FADS3: variants seen among roughly 807,000 people sequenced by gnomAD.
The protein encoded by FADS3 is cytochrome b5-related protein.
In FADS3, 30 loss-of-function variants were observed where a neutral mutation model predicts 60.4. The ratio of observed to expected loss-of-function variants is 0.50; its 90% CI spans 0.37 to 0.67. FADS3 has a LOEUF of 0.67. FADS3 is among the 30% of genes least tolerant of loss of function. FADS3 has a pLI of 0.00. For synonymous variants in FADS3, 234 were observed against 249.3 expected, an observed-to-expected ratio of 0.94 and a Z score of 0.58; for missense variants, 432 against 598.3, an observed-to-expected ratio of 0.72 and a Z score of 2.90.
chr11:61,880,137 G>A lies in FADS3; in HGVS notation c.228C>T (p.Ala76=). 6.2e-7 allele frequency: 1 copy of A among 1,613,988 alleles called. No homozygotes were observed. Among genetic ancestry groups the A allele is most frequent in the African/African-American group, 1.3e-5 (1 of 75,058 alleles). The change falls in exon 2 of 12, where the codon GCC becomes GCT. Residue 76 remains alanine (A), a synonymous_variant. Transcript: ENST00000278829. Reference sequence around the variant, plus strand: ...GCACAAAATTGAGATCTTGATGGAAGGCACGGAAGGCATCCTGAAGGAGAG... The same window carrying A: ...GCACAAAATTGAGATCTTGATGGAAAGCACGGAAGGCATCCTGAAGGAGAG... The part of the protein sequence containing the change: ...GAEDATDAFR[A]FHQDLNFVRK...
chr11:61,878,715 G>C (rs746721136), intron 4 of FADS3, 31 bp downstream of exon 4: 2 of 1,612,496 alleles, frequency 1.2e-6, no homozygotes, highest in East Asian at 4.5e-5. Flanking sequence ...GCGCCACCCA[G>C]CACCTGGCTG....
At position 61,877,646 on chromosome 11, in the gene FADS3, C is replaced by A. The variant is rs377336842; in HGVS notation, c.809-59G>T. On this transcript the variant is annotated intron_variant, in intron 6 of 11. Coordinates refer to ENST00000278829, the MANE Select transcript of FADS3 (RefSeq NM_021727.5). The surrounding 1 kb of genome is among the most constrained non-coding windows in gnomAD (Gnocchi z 4.7). ...GGGCTGGGCTGCCAAGGTGAGTGGG[C>A]GCCAGAGTGAGGGGCTCTGTTACTC... 1 of 1,497,856 alleles carries A rather than the reference C, an allele frequency of 6.7e-7. No individual in the cohort carries two copies. Among genetic ancestry groups the A allele is most frequent in the South Asian group, 1.2e-5 (1 of 86,214 alleles). The allele number at this position is 1,497,856 out of a possible 1,614,324, so 92.8% of individuals were successfully genotyped here.
rs557420929 is a variant in FADS3 at position 61,877,938 on chromosome 11, G to A, written c.808+217C>T. 3.5e-4 allele frequency: 212 copies of A among 606,054 alleles called. 1 individual carries two copies. Among genetic ancestry groups the A allele is most frequent in the Non-Finnish European group, 5.1e-4 (173 of 340,682 alleles). The allele number at this position is 606,054 out of a possible 1,614,324, so 37.5% of individuals were successfully genotyped here. On this transcript the variant is annotated intron_variant, in intron 6 of 11. Coordinates refer to ENST00000278829, the MANE Select transcript of FADS3 (RefSeq NM_021727.5). The surrounding 1 kb of genome is among the most constrained non-coding windows in gnomAD (Gnocchi z 4.7). ...GCTCCCAGCAGGGCTGTGATGGCCC[G>A]TGGCTGCAAGGTGTCCCAGGCACGG...
At chr11:61,886,742 T>A (rs1036291871) in intron 1 of FADS3, among the ~76,000 whole-genome samples, 1 of 152,186 alleles carries the variant, frequency 6.6e-6, no homozygotes, top group Non-Finnish European at 1.5e-5. Context: ...AGGACTTACC[T>A]CATAAAGTTG....
At chr11:61,885,824 G>A (rs1317999108) in intron 1 of FADS3, among the ~76,000 whole-genome samples, 2 of 152,150 alleles carry the variant, frequency 1.3e-5, no homozygotes, top group African/African-American at 4.8e-5. Context: ...ACAGGGCTAT[G>A]CCTCAAAGGA....
At position 61,877,978 on chromosome 11, in the gene FADS3, A is replaced by C. The variant is rs1937972887; in HGVS notation, c.808+177T>G. 7.6e-6 allele frequency: 5 copies of C among 656,560 alleles called. No homozygotes were observed. Among genetic ancestry groups the C allele is most frequent in the Non-Finnish European group, 1.4e-5 (5 of 370,090 alleles). The allele number at this position is 656,560 out of a possible 1,614,324, so 40.7% of individuals were successfully genotyped here. A position where few individuals can be genotyped will look rare whatever the true frequency, so the allele number is the denominator to read the frequency against. The stretch of plus-strand genomic sequence containing the variant: ...CCCAGGCACGGGAGACAGCTGGGGC[A>C]AAGGCATGCTGCTGGGAGAGTGTGT... On this transcript the variant is annotated intron_variant, in intron 6 of 11. Transcript: ENST00000278829. The surrounding 1 kb of genome is among the most constrained non-coding windows in gnomAD (Gnocchi z 4.7).
At chr11:61,891,023 C>T (rs1315356840) in intron 1 of FADS3, 146 bp downstream of exon 1, 2 of 741,596 alleles carry the variant, frequency 2.7e-6, no homozygotes, top group African/African-American at 1.8e-5. Context: ...GGCTAGTCCA[C>T]CCCAACTCTG....
At chr11:61,890,505 G>C (rs1938466592) in intron 1 of FADS3, 1 of 152,294 alleles carries the variant, frequency 6.6e-6, no homozygotes, top group Non-Finnish European at 1.5e-5. Flanking sequence ...TCCACCACTG[G>C]ACTCCAGCCA....
chr11:61,878,944 T>TG, intron 3 of FADS3, 97 bp from the exon 4 acceptor site: 1 of 938,720 alleles, frequency 1.1e-6, no homozygotes, highest in Non-Finnish European at 1.6e-6. Flanking sequence ...GGTACCCCCG[T>TG]GCTAATGCTC....
rs1254677499 is a variant in FADS3 at position 61,880,113 on chromosome 11, C to T, written c.252G>A (p.Val84=). 6.2e-7 allele frequency: 1 copy of T among 1,614,118 alleles called. No homozygotes were observed. Among genetic ancestry groups the T allele is most frequent in the East Asian group, 2.2e-5 (1 of 44,878 alleles). Residue 84 remains valine (V), a synonymous_variant, in exon 2 of 12, where the codon GTG becomes GTA. Coordinates refer to ENST00000278829, the MANE Select transcript of FADS3 (RefSeq NM_021727.5). ...FRAFHQDLNF[V]RKFLQPLLIG... ...TCAACAGGGGCTGTAGGAACTTGCG[C>T]ACAAAATTGAGATCTTGATGGAAGG...
At position 61,876,290 on chromosome 11, in the gene FADS3, G is replaced by A. The variant is rs1937880598; in HGVS notation, c.1080+69C>T. The A allele has an allele frequency of 6.3e-7, 1 of 1,590,686 alleles. No homozygotes were observed. Among genetic ancestry groups the A allele is most frequent in the African/African-American group, 1.3e-5 (1 of 74,584 alleles). On this transcript the variant is annotated intron_variant, in intron 9 of 11. Coordinates refer to ENST00000278829, the MANE Select transcript of FADS3 (RefSeq NM_021727.5). The surrounding 1 kb of genome is among the most constrained non-coding windows in gnomAD (Gnocchi z 5.7). ...GCAGCCCCGTCAGGGCCTCATCCCT[G>A]CTTTGCCATCTGGCTCCTAGCTGGG...
intron 11 of FADS3, 68 bp downstream of exon 11, chr11:61,875,783 A>C: frequency 6.4e-7 from 1 of 1,571,732 alleles, no homozygotes. Context: ...CATGAGGCTG[A>C]CCTGGACAAG....
At position 61,880,237 on chromosome 11, in the gene FADS3, G is replaced by A. The variant is rs1008260830; in HGVS notation, c.214-86C>T. On this transcript the variant is annotated intron_variant, in intron 1 of 11. Coordinates refer to ENST00000278829, the MANE Select transcript of FADS3 (RefSeq NM_021727.5). ...CAGCAGAGACAGGCGGAAGGACTAC[G>A]GATGGATGGGCAGAGCAGACGACAG... is the stretch of plus-strand genomic sequence containing the variant. The A allele has an allele frequency of 5.3e-5, 56 of 1,062,104 alleles. 1 individual carries two copies. Among genetic ancestry groups the A allele is most frequent in the Middle Eastern group, 4.1e-4 (2 of 4,928 alleles). 65.8% of individuals were successfully genotyped at this position (1,062,104 alleles called of 1,614,324 possible).
intron 1 of FADS3, among the ~76,000 whole-genome samples, chr11:61,890,667 A>G (rs569596490): frequency 2.6e-5 from 4 of 152,276 alleles, no homozygotes; most frequent in Non-Finnish European, 5.9e-5. Flanking sequence ...TCCCACGTGC[A>G]GCTGCTAGCC....
At chr11:61,879,969 T>C in intron 2 of FADS3, 72 bp downstream of exon 2, 1 of 1,281,208 alleles carries the variant, frequency 7.8e-7, no homozygotes, top group Non-Finnish European at 1.1e-6. Flanking sequence ...CCTGGCCATG[T>C]GGCAATGTCT....
In FADS3 at chr11:61,877,553, T is replaced by G. The variant is rs1385161304; in HGVS notation, c.843A>C (p.Glu281Asp). 6.2e-7 allele frequency: 1 copy of G among 1,613,618 alleles called. No individual in the cohort carries two copies. Among genetic ancestry groups the G allele is most frequent in the African/African-American group, 1.3e-5 (1 of 75,012 alleles). Residue 281 changes from glutamate to aspartate, a missense_variant, in exon 7 of 12, where the codon GAA (glutamate) becomes GAC (aspartate). This residue lies in a region of FADS3 where 116 missense variants were observed against 208.9 expected (regional missense o/e 0.56). Transcript: ENST00000278829. The surrounding 1 kb of genome is among the most constrained non-coding windows in gnomAD (Gnocchi z 4.7). ...CCAGCATGTACGCCAGATTTTCCACTTCAAAGTTCACCAGGGTGAGCAGCG... is the reference window on the plus strand; with the variant it reads ...CCAGCATGTACGCCAGATTTTCCACGTCAAAGTTCACCAGGGTGAGCAGCG... ...GPPLLTLVNF[E>D]VENLAYMLVC...
chr11:61,873,842 A>T lies in FADS3; in HGVS notation c.1310T>A (p.Ile437Asn). 6.3e-7 allele frequency: 1 copy of T among 1,585,128 alleles called. No individual in the cohort carries two copies. The highest frequency in any genetic ancestry group is 8.6e-7 in the Non-Finnish European group (1 of 1,161,992). Residue 437 changes from isoleucine (I) to asparagine (N), a missense_variant, in exon 12 of 12, where the codon ATC (isoleucine) becomes AAC (asparagine). Ile to Asn is a moderately radical substitution (Grantham distance 149). This residue lies in a region of FADS3 where 63 missense variants were observed against 64.5 expected (regional missense o/e 0.98). Transcript: ENST00000278829. ...IVRSLKKSGD[I>N]WLDAYLHQ ...CTGATGGAGGTAGGCGTCCAGCCAG[A>T]TGTCACCAGACTTCTTCAGGGACCT... is the stretch of plus-strand genomic sequence containing the variant.
chr11:61,888,996 A>G (rs1938404946), intron 1 of FADS3, among the ~76,000 whole-genome samples: 1 of 152,140 alleles, frequency 6.6e-6, no homozygotes, highest in Non-Finnish European at 1.5e-5. Context: ...CCTGGGTTCA[A>G]GCGATTCTCC....
rs888901827 is a variant in FADS3, at chr11:61,873,756, G to A, written c.*58C>T. ...GAGGGGTGAGGGTATCGATCCCGCC[G>A]GGGGCTGGCTTGGTTGCTGGTGCCC... On this transcript the variant is annotated 3_prime_UTR_variant, in exon 12 of 12. Coordinates refer to ENST00000278829, the MANE Select transcript of FADS3 (RefSeq NM_021727.5). 93 of 1,368,012 alleles carry A rather than the reference G, an allele frequency of 6.8e-5. 2 individuals carry two copies. The Admixed American group carries it at 1.3e-3, about 19-fold the overall frequency. 84.7% of individuals were successfully genotyped at this position (1,368,012 alleles called of 1,614,324 possible).
Sources: gnomAD v4.1 joint callset for allele counts (sites outside exome capture counted in the v4.1 genomes callset) on GRCh38, gnomAD v4.1.1 for gene constraint, gnomAD v4.1.1 regional missense constraint, Gnocchi (gnomAD v3.1) non-coding constraint, MANE v1.5 for transcripts, NCBI Gene and HGNC (gene_info 2026-07-23, HGNC 2026-07-21) for gene names.